PCSK7: variants seen among roughly 807,000 people sequenced by gnomAD.
The protein encoded by PCSK7 is proprotein convertase subtilisin/kexin type 7.
PCSK7 carries 38 observed loss-of-function variants against 73.3 expected under a neutral mutation model. The ratio of observed to expected loss-of-function variants is 0.52; its 90% confidence interval spans 0.40 to 0.68. The LOEUF is 0.68. Ranked by LOEUF, PCSK7 falls within the 30% of genes least tolerant of loss-of-function variation. The probability of loss-of-function intolerance (pLI) is 0.00; values close to 1 mark genes in which losing one functional copy is unlikely to be tolerated. For missense variants in PCSK7, 692 were observed against 991.5 expected (o/e 0.70, Z 4.06); for synonymous variants, 296 against 383.8 (o/e 0.77, Z 2.68).
intron 9 of PCSK7, 143 bp downstream of exon 9, chr11:117,223,065 C>G (rs2032267148): frequency 1.5e-6 from 1 of 666,322 alleles, no homozygotes. Context: ...GGGTGGCATG[C>G]CTTAAGACAT....
rs747524780 is a variant in PCSK7 at position 117,204,337 on chromosome 11, G to A, written c.*1660C>T. ...CAGGCCGGCATGACAGGCTACGGAC[G>A]ACCTCGGCAGATCATCAGTTAGAGC... On this transcript the variant is annotated 3_prime_UTR_variant, in exon 17 of 17. Transcript: ENST00000320934. 33 of 1,614,206 alleles carry A rather than the reference G, an allele frequency of 2.0e-5. No individual in the cohort carries two copies. Among genetic ancestry groups the A allele is most frequent in the African/African-American group, 1.2e-4 (9 of 75,054 alleles).
At chr11:117,213,940 CTTT>C (rs1272803495) in intron 12 of PCSK7, 10 of 99,836 alleles carry the variant, frequency 1.0e-4, no homozygotes, top group African/African-American at 3.9e-4. Context: ...TAATCTTTTT[CTTT>C]TCTTTTCTTT....
In PCSK7 at chr11:117,223,317, A is replaced by G; in HGVS notation, c.1055-9T>C. On this transcript the variant is annotated splice_polypyrimidine_tract_variant and intron_variant, in intron 8 of 16. Transcript: ENST00000320934. ...CTCCTCATCCACAGCTCCTAGGGAC[A>G]GAGGAGGGAGATTAGAGCTGAGATG... The G allele has an allele frequency of 6.5e-7, 1 of 1,543,058 alleles. No individual in the cohort carries two copies. Among genetic ancestry groups the G allele is most frequent in the Non-Finnish European group, 9.0e-7 (1 of 1,115,392 alleles).
Position 117,229,432 on chromosome 11 carries a change from C to A in PCSK7, c.413G>T (p.Arg138Leu). 2 of 1,610,108 alleles carry A rather than the reference C, an allele frequency of 1.2e-6. No homozygotes were observed. The highest frequency in any genetic ancestry group is 1.7e-6 in the Non-Finnish European group (2 of 1,180,022). ...RWHSEQRLLR[R>L]AKRSVHFNDP... ...GTTGAAGTGGACGCTGCGCTTGGCC[C>A]GCCTTAGCAGCCTCTGCTCTGAGTG... The change falls in exon 3 of 17, where the codon CGG (arginine) becomes CTG (leucine). Residue 138 changes from arginine to leucine, a missense_variant. This residue lies in a region of PCSK7 where 574 missense variants were observed against 689.8 expected (regional missense o/e 0.83). Transcript: ENST00000320934.
At position 117,219,696 on chromosome 11, in the gene PCSK7, T is replaced by G. The variant is rs373395979; in HGVS notation, c.1218A>C (p.Ser406=). The G allele has an allele frequency of 1.2e-6, 2 of 1,611,694 alleles. No homozygotes were observed. Among genetic ancestry groups the G allele is most frequent in the South Asian group, 1.1e-5 (1 of 90,824 alleles). Residue 406 remains serine, a synonymous_variant, in exon 10 of 17, where the codon TCA becomes TCC. Transcript: ENST00000320934. The part of the protein sequence containing the change: ...TGCTEGHTGT[S]AAAPLAAGMI... ...TGCCAGCTGCCAGAGGCGCTGCAGC[T>G]GAGGTCCCTGTGTGGCCCTCAGTGC...
intron 12 of PCSK7, chr11:117,213,694 G>A (rs79278568): frequency 0.024 from 3,643 of 152,274 alleles, 73 homozygotes; most frequent in South Asian, 0.098. Flanking sequence ...CGCAGTGTAC[G>A]CAGTGGCATG....
intron 7 of PCSK7, 97 bp from the exon 8 acceptor site, chr11:117,224,313 G>C: frequency 7.6e-6 from 10 of 1,322,810 alleles, no homozygotes; most frequent in South Asian, 1.3e-5. Flanking sequence ...TAGAAACAAA[G>C]GGAAAAAAGT....
chr11:117,223,632 C>T (rs754089557), intron 8 of PCSK7: 11 of 388,988 alleles, frequency 2.8e-5, no homozygotes, highest in East Asian at 9.7e-5. Flanking sequence ...GGGTCACACC[C>T]GTGCCAGGCA....
At chr11:117,226,713 T>A (rs760426176) in intron 5 of PCSK7, 33 of 163,360 alleles carry the variant, frequency 2.0e-4, no homozygotes, top group Non-Finnish European at 3.9e-4. Context: ...TTCATTCCCT[T>A]CACCTTTTGC....
chr11:117,209,311 A>G, intron 12 of PCSK7: 1 of 394,556 alleles, frequency 2.5e-6, no homozygotes, highest in Non-Finnish European at 4.4e-6. Flanking sequence ...TCAATCATTC[A>G]TTCATCCAAA....
Position 117,225,780 on chromosome 11 carries a change from A to G in PCSK7, c.860+151T>C, listed in dbSNP as rs551088284. Reference sequence around the variant, plus strand: ...AAGGTTGAGTGCCCAGTGGCTGGGAATCTAGAGAAATGAAGGCAATGGACT... The same window carrying G: ...AAGGTTGAGTGCCCAGTGGCTGGGAGTCTAGAGAAATGAAGGCAATGGACT... On this transcript the variant is annotated intron_variant, in intron 6 of 16. Coordinates refer to ENST00000320934, the MANE Select transcript of PCSK7 (RefSeq NM_004716.4). The G allele has an allele frequency of 1.9e-3, 1,231 of 635,474 alleles. 4 individuals are homozygous for G. Among genetic ancestry groups the G allele is most frequent in the Non-Finnish European group, 1.9e-3 (681 of 351,262 alleles). The allele number at this position is 635,474 out of a possible 1,614,324, so 39.4% of individuals were successfully genotyped here.
At chr11:117,231,586 T>C (rs1003257156) in intron 1 of PCSK7, among the ~76,000 whole-genome samples, 1 of 152,176 alleles carries the variant, frequency 6.6e-6, no homozygotes, top group Non-Finnish European at 1.5e-5. Context: ...CAAAGCAGCA[T>C]TTTTATCCCC....
chr11:117,229,203 G>A (rs1036675449), intron 3 of PCSK7, among the ~76,000 whole-genome samples, 174 bp downstream of exon 3: 12 of 152,182 alleles, frequency 7.9e-5, no homozygotes, highest in South Asian at 2.1e-4. Context: ...GTAGAACACC[G>A]GCCTCTAGAA....
At chr11:117,221,064 T>C (rs912853464) in intron 9 of PCSK7, 2 of 152,282 alleles carry the variant, frequency 1.3e-5, no homozygotes, top group South Asian at 2.1e-4. Context: ...CTCCACTCTA[T>C]GGCACTTGGA....
At chr11:117,225,857 T>C (rs753497563) in intron 6 of PCSK7, 74 bp downstream of exon 6, 1 of 932,798 alleles carries the variant, frequency 1.1e-6, no homozygotes, top group Non-Finnish European at 1.8e-6. Flanking sequence ...GTCAGCCCAC[T>C]GGTTGGGATT....
rs1256772898 is a variant in PCSK7 at position 117,205,953 on chromosome 11, AT to A, written c.*43del. 2.9e-6 allele frequency: 2 copies of A among 689,592 alleles called. No homozygotes were observed. Among genetic ancestry groups the A allele is most frequent in the Non-Finnish European group, 4.8e-6 (2 of 413,968 alleles). 42.7% of individuals were successfully genotyped at this position (689,592 alleles called of 1,614,324 possible). On this transcript the variant is annotated 3_prime_UTR_variant, in exon 17 of 17. Coordinates refer to ENST00000320934, the MANE Select transcript of PCSK7 (RefSeq NM_004716.4). ...ACTGCTTTCTGTCAAGAGCTCCCTA[AT>A]TTTGGGAAAGAAGAGCCTGTCCCAC...
In PCSK7 at chr11:117,230,381, G is replaced by C. The variant is rs761547375; in HGVS notation, c.-45C>G. On this transcript the variant is annotated 5_prime_UTR_variant, in exon 2 of 17. Coordinates refer to ENST00000320934, the MANE Select transcript of PCSK7 (RefSeq NM_004716.4). ...CTACATGAGGTTGAGCTCCTGGTCT[G>C]GCTAACCACGTCACACTCATGTTGT... 6.5e-6 allele frequency: 1 copy of C among 153,552 alleles called. No individual in the cohort carries two copies. Among genetic ancestry groups the C allele is most frequent in the African/African-American group, 2.4e-5 (1 of 41,450 alleles). 9.5% of individuals were successfully genotyped at this position (153,552 alleles called of 1,614,324 possible). A position where few individuals can be genotyped will look rare whatever the true frequency, so the allele number is the denominator to read the frequency against.
At chr11:117,231,542 AAG>A (rs1362543779) in intron 1 of PCSK7, among the ~76,000 whole-genome samples, 2 of 152,206 alleles carry the variant, frequency 1.3e-5, no homozygotes, top group African/African-American at 4.8e-5. Context: ...GTCAGGAAGA[AAG>A]AGAAGCAGGA....
In PCSK7 at chr11:117,229,509, G is replaced by A; in HGVS notation, c.336C>T (p.Ala112=). The change falls in exon 3 of 17, where the codon GCC becomes GCT. Residue 112 remains alanine, a synonymous_variant. Transcript: ENST00000320934. The part of the protein sequence containing the change: ...AGHRPALEVE[A]IRQQVEAVLA... ...ACACAGCCTCCACCTGCTGCCGGAT[G>A]GCCTCCACCTCCAGGGCCGGCCTGT... is the stretch of plus-strand genomic sequence containing the variant. 1 of 1,612,732 alleles carries A rather than the reference G, an allele frequency of 6.2e-7. No individual in the cohort carries two copies.
Sources: allele counts gnomAD v4.1 joint callset (sites outside exome capture counted in the v4.1 genomes callset), GRCh38; gene constraint gnomAD v4.1.1; regional missense constraint gnomAD v4.1.1; transcripts MANE v1.5; gene names NCBI Gene and HGNC (gene_info 2026-07-23, HGNC 2026-07-21).